The following CECR2 variants were observed in gnomAD, a reference collection of about 807,000 sequenced individuals.
CECR2 encodes the protein CECR2 histone acetyl-lysine reader, also known as chromatin remodeling regulator CECR2.
A neutral mutation model predicts 154.5 loss-of-function variants in CECR2; 30 were observed. The observed-to-expected ratio is 0.19, with a 90% CI of 0.15 to 0.26. The LOEUF is 0.26. CECR2 is among the 10% of genes least tolerant of loss of function. CECR2 has a pLI of 1.00. For missense variants in CECR2, 1,743 were observed against 1,829.3 expected (o/e 0.95, Z 0.86); for synonymous variants, 725 against 683.7 (o/e 1.06, Z -0.94).
intron 1 of CECR2, among the ~76,000 whole-genome samples, chr22:17,384,033 C>T (rs1472673431): frequency 6.6e-6 from 1 of 152,026 alleles, no homozygotes; most frequent in Non-Finnish European, 1.5e-5. Context: ...TTCTTTCCTC[C>T]ACTGAAGTCT....
rs1448434615 is a variant in CECR2 at position 17,553,109 on chromosome 22, A to G, written c.*269A>G. On this transcript the variant is annotated 3_prime_UTR_variant, in exon 19 of 19. Transcript: ENST00000262608. ...AGGCAAAACTAATGAACGTGGAGTTAATGATGACTTTTCCAAATCCTGAGA... is the reference window on the plus strand; with the variant it reads ...AGGCAAAACTAATGAACGTGGAGTTGATGATGACTTTTCCAAATCCTGAGA... 6 of 578,408 alleles carry G rather than the reference A, an allele frequency of 1.0e-5. No individual in the cohort carries two copies. The highest frequency in any genetic ancestry group is 9.7e-5 in the African/African-American group (5 of 51,450). 35.8% of individuals were successfully genotyped at this position (578,408 alleles called of 1,614,324 possible).
intron 1 of CECR2, among the ~76,000 whole-genome samples, chr22:17,383,798 G>T (rs1403945784): frequency 6.6e-6 from 1 of 151,660 alleles, no homozygotes; most frequent in Non-Finnish European, 1.5e-5. Context: ...CCGAGTAGCT[G>T]GGATTACAGA....
chr22:17,454,294 G>A (rs2054819009), intron 1 of CECR2, among the ~76,000 whole-genome samples: 1 of 151,850 alleles, frequency 6.6e-6, no homozygotes, highest in South Asian at 2.1e-4. Flanking sequence ...GTGAGACCCT[G>A]TCACAAAAAC....
At chr22:17,432,059 C>T in intron 1 of CECR2, among the ~76,000 whole-genome samples, 1 of 140,130 alleles carries the variant, frequency 7.1e-6, no homozygotes, top group Non-Finnish European at 1.6e-5. Context: ...TATGGATTTG[C>T]CCACTCTGGA....
chr22:17,421,614 C>CAAAAAAAAAAAAAAA (rs34156323), intron 1 of CECR2, among the ~76,000 whole-genome samples: 2 of 23,362 alleles, frequency 8.6e-5, no homozygotes, highest in East Asian at 1.9e-3. Context: ...GACTCCGTCT[C>CAAAAAAAAAAAAAAA]AAAAAAAAAA....
intron 16 of CECR2, among the ~76,000 whole-genome samples, chr22:17,545,478 T>C (rs925789300): frequency 1.3e-5 from 2 of 151,764 alleles, no homozygotes; most frequent in African/African-American, 4.8e-5. Flanking sequence ...TGCTTATTTC[T>C]AGGATAAATA....
At chr22:17,436,398 A>G (rs914072174) in intron 1 of CECR2, among the ~76,000 whole-genome samples, 2 of 152,238 alleles carry the variant, frequency 1.3e-5, no homozygotes, top group Non-Finnish European at 2.9e-5. Flanking sequence ...AGCTGTCTCT[A>G]GTTCCTAAAA....
At chr22:17,379,581 GGTGTGTGTGTGTGTGTGTGTGTGTGTGT>G (rs60634016) in intron 1 of CECR2, among the ~76,000 whole-genome samples, 1 of 137,814 alleles carries the variant, frequency 7.3e-6, no homozygotes, top group Non-Finnish European at 1.6e-5. Context: ...CTACGTTGAA[GGTGTGTGTGTGTGTGTGTGTGTGTGTGT>G]GTGTGTGTGT....
At chr22:17,397,387 C>T (rs990101319) in intron 1 of CECR2, among the ~76,000 whole-genome samples, 23 of 152,216 alleles carry the variant, frequency 1.5e-4, no homozygotes, top group African/African-American at 5.6e-4. Context: ...CCGCCTTCGC[C>T]TCCCAAAGGG....
At chr22:17,512,438 C>T (rs1384898859) in intron 8 of CECR2, among the ~76,000 whole-genome samples, 1 of 152,016 alleles carries the variant, frequency 6.6e-6, no homozygotes, top group African/African-American at 2.4e-5. Context: ...ACAGGTAGCT[C>T]ATGCCTGTAA....
intron 2 of CECR2, among the ~76,000 whole-genome samples, chr22:17,479,583 T>C (rs1432164293): frequency 8.2e-6 from 1 of 122,124 alleles, no homozygotes; most frequent in East Asian, 2.0e-4. Context: ...GAGTTCATCC[T>C]CTAATTTGTC....
At position 17,541,954 on chromosome 22, in the gene CECR2, C is replaced by T; in HGVS notation, c.2000C>T (p.Pro667Leu). The T allele has an allele frequency of 1.2e-6, 2 of 1,613,452 alleles. No individual in the cohort carries two copies. Among genetic ancestry groups the T allele is most frequent in the Non-Finnish European group, 1.7e-6 (2 of 1,179,664 alleles). The change falls in exon 15 of 19, where the codon CCT (proline) becomes CTT (leucine). Residue 667 changes from proline (P) to leucine (L), a missense_variant. Transcript: ENST00000262608. ...GGGGAGCCTGTGCAGCAGCGTCAGC[C>T]TTTCACCATGCAGGTAAGCAGCCTA... is the stretch of plus-strand genomic sequence containing the variant. ...HPGEPVQQRQ[P>L]FTMQPPVGIN...
chr22:17,377,485 A>AC (rs1244462812), intron 1 of CECR2, among the ~76,000 whole-genome samples: 1 of 150,984 alleles, frequency 6.6e-6, no homozygotes, highest in East Asian at 1.9e-4. Context: ...CTGGATTTGA[A>AC]CCCCTGAGCT....
In CECR2 at chr22:17,500,637, T is replaced by G. The variant is rs757267172; in HGVS notation, c.552T>G (p.Ser184Arg). The change falls in exon 5 of 19, where the codon AGT becomes AGG. Residue 184 changes from serine (S) to arginine (R), a missense_variant. By Grantham distance (110) the Ser-to-Arg change is moderately radical (BLOSUM62 -1). Around this residue, in one of 4 missense-constraint regions of CECR2, gnomAD observed 292 missense variants for 301.2 expected, o/e 0.97. Coordinates refer to ENST00000262608, the MANE Select transcript of CECR2 (RefSeq NM_001290047.2). ...ATTTAATATTATTTATTAGGGAAAG[T>G]GAAGGACAAAAAAATGTCTCAAGTA... ...SNGELSLSRE[S>R]EGQKNVSSIP... The G allele has an allele frequency of 6.5e-5, 100 of 1,547,732 alleles. No homozygotes were observed. Among genetic ancestry groups the G allele is most frequent in the Non-Finnish European group, 6.3e-5 (72 of 1,145,294 alleles).
intron 1 of CECR2, among the ~76,000 whole-genome samples, chr22:17,455,321 C>T (rs1345231028): frequency 6.6e-6 from 1 of 152,202 alleles, no homozygotes; most frequent in Non-Finnish European, 1.5e-5. Flanking sequence ...AATTTTGCTT[C>T]TAAGAGAAGT....
intron 16 of CECR2, among the ~76,000 whole-genome samples, chr22:17,546,646 T>C: frequency 6.6e-6 from 1 of 152,154 alleles, no homozygotes; most frequent in East Asian, 1.9e-4. Flanking sequence ...TAATAGCTCT[T>C]TAAAAGTTGT....
intron 9 of CECR2, among the ~76,000 whole-genome samples, chr22:17,532,289 C>T (rs1471056511): frequency 6.6e-6 from 1 of 152,152 alleles, no homozygotes; most frequent in African/African-American, 2.4e-5. Flanking sequence ...CTCTCATAGT[C>T]CTGGAAGTTA....
At chr22:17,366,494 G>C (rs2063002702), upstream of CECR2, among the ~76,000 whole-genome samples, 1 of 152,132 alleles carries the variant, frequency 6.6e-6, no homozygotes, top group Non-Finnish European at 1.5e-5. Flanking sequence ...CAAACTGTGT[G>C]TTTTTAAGGA....
chr22:17,383,543 C>CA (rs2063224162), intron 1 of CECR2, among the ~76,000 whole-genome samples: 1 of 151,714 alleles, frequency 6.6e-6, no homozygotes, highest in Non-Finnish European at 1.5e-5. Context: ...CCATAAGAAC[C>CA]AACTCCTTTT....
Sources: allele counts gnomAD v4.1 joint callset (sites outside exome capture counted in the v4.1 genomes callset), GRCh38; gene constraint gnomAD v4.1.1; regional missense constraint gnomAD v4.1.1; transcripts MANE v1.5; gene names NCBI Gene and HGNC (gene_info 2026-07-23, HGNC 2026-07-21).